The following UBE2E3 variants were observed in gnomAD, a reference collection of about 807,000 sequenced individuals.
UBE2E3 encodes ubiquitin-conjugating enzyme E2 E3.
In UBE2E3, 5 loss-of-function variants were observed where a neutral mutation model predicts 23.6. That is an observed-to-expected ratio of 0.21 (90% CI 0.11 to 0.44). The LOEUF (loss-of-function observed/expected upper bound fraction) is 0.44, where lower values mean the gene tolerates loss of function less well. UBE2E3 is among the 20% of genes least tolerant of loss of function. The pLI is 0.99. For missense variants in UBE2E3, 81 were observed against 249.8 expected, an observed-to-expected ratio of 0.32 and a Z score of 4.55; for synonymous variants, 78 against 87.5, an observed-to-expected ratio of 0.89 and a Z score of 0.60.
At chr2:180,995,135 AT>A (rs931102181) in intron 3 of UBE2E3, among the ~76,000 whole-genome samples, 3 of 151,988 alleles carry the variant, frequency 2.0e-5, no homozygotes, top group African/African-American at 4.8e-5. Flanking sequence ...GTAAAAAGTG[AT>A]TTCTCCTGGT....
At chr2:181,034,965 A>G (rs956016266) in intron 3 of UBE2E3, among the ~76,000 whole-genome samples, 13 of 152,188 alleles carry the variant, frequency 8.5e-5, no homozygotes, top group African/African-American at 3.1e-4. Flanking sequence ...TTTAGGAACT[A>G]TTAGAGAAAG....
At chr2:181,007,207 C>T (rs1391118072) in intron 3 of UBE2E3, among the ~76,000 whole-genome samples, 1 of 152,118 alleles carries the variant, frequency 6.6e-6, no homozygotes, top group East Asian at 1.9e-4. Context: ...GCCCACTGCC[C>T]CTTTGAGTAA....
intron 3 of UBE2E3, among the ~76,000 whole-genome samples, chr2:180,986,157 T>A (rs1684463207): frequency 1.3e-5 from 2 of 152,158 alleles, no homozygotes; most frequent in Admixed American, 1.3e-4. Context: ...CTTTCCCTTG[T>A]CACAACCTGT....
intron 3 of UBE2E3, among the ~76,000 whole-genome samples, chr2:180,999,951 A>G (rs1418723442): frequency 3.9e-5 from 6 of 152,260 alleles, no homozygotes; most frequent in East Asian, 1.9e-4. Flanking sequence ...AAAATGAAGT[A>G]TTAAAACCAG....
intron 3 of UBE2E3, among the ~76,000 whole-genome samples, chr2:180,995,589 A>G (rs1461507061): frequency 1.3e-5 from 2 of 151,648 alleles, no homozygotes; most frequent in Non-Finnish European, 2.9e-5. Flanking sequence ...TCATTTTTGC[A>G]ATTTATTTAT....
chr2:181,014,906 A>T (rs1489155727), intron 3 of UBE2E3, among the ~76,000 whole-genome samples: 3 of 152,172 alleles, frequency 2.0e-5, no homozygotes, highest in Non-Finnish European at 4.4e-5. Context: ...TATTAACTAT[A>T]ATTTCCCACT....
intron 3 of UBE2E3, among the ~76,000 whole-genome samples, chr2:181,046,224 C>A (rs369939558): frequency 4.7e-4 from 72 of 152,256 alleles, no homozygotes; most frequent in African/African-American, 1.5e-3. Flanking sequence ...CATAAAGCCA[C>A]AGATAAGCAG....
At chr2:181,037,782 A>G (rs1047841832) in intron 3 of UBE2E3, among the ~76,000 whole-genome samples, 1 of 152,138 alleles carries the variant, frequency 6.6e-6, no homozygotes, top group Non-Finnish European at 1.5e-5. Flanking sequence ...CAGCCTGGGC[A>G]ATATAGCAAG....
chr2:180,981,957 C>T, intron 1 of UBE2E3, 61 bp from the exon 2 acceptor site: 1 of 1,230,374 alleles, frequency 8.1e-7, no homozygotes, highest in Non-Finnish European at 1.1e-6. Flanking sequence ...GAAGAAAATG[C>T]TGTTGGTTTA....
At chr2:181,035,746 A>G (rs55851371) in intron 3 of UBE2E3, among the ~76,000 whole-genome samples, 33,015 of 152,048 alleles carry the variant, frequency 0.22, 4,168 homozygotes, top group Non-Finnish European at 0.28. Context: ...TATGTGACCC[A>G]AGACAATTCT....
chr2:181,007,792 T>C (rs1685198630), intron 3 of UBE2E3, among the ~76,000 whole-genome samples: 1 of 152,222 alleles, frequency 6.6e-6, no homozygotes, highest in Non-Finnish European at 1.5e-5. Context: ...TAGAAGGGCT[T>C]GATATCTGCC....
intron 3 of UBE2E3, among the ~76,000 whole-genome samples, chr2:180,986,833 T>C (rs1297984727): frequency 6.6e-6 from 1 of 152,078 alleles, no homozygotes; most frequent in African/African-American, 2.4e-5. Flanking sequence ...AAAAGTTGAA[T>C]GAAACACAAG....
intron 3 of UBE2E3, chr2:180,987,467 T>G (rs1684516991): frequency 3.4e-6 from 5 of 1,472,336 alleles, no homozygotes; most frequent in Admixed American, 2.0e-5. Flanking sequence ...ACGAATATTT[T>G]AAGAGTGTAT....
At chr2:181,021,771 T>G (rs939237172) in intron 3 of UBE2E3, among the ~76,000 whole-genome samples, 1 of 151,770 alleles carries the variant, frequency 6.6e-6, no homozygotes, top group Non-Finnish European at 1.5e-5. Flanking sequence ...AGTGGATTTC[T>G]TAATACTTTT....
At chr2:181,052,880 C>T (rs933794556) in intron 3 of UBE2E3, among the ~76,000 whole-genome samples, 3 of 151,902 alleles carry the variant, frequency 2.0e-5, no homozygotes, top group African/African-American at 7.2e-5. Flanking sequence ...GCTTGCTGGT[C>T]ACTTTTCTAC....
At chr2:181,007,435 A>T (rs1685186671) in intron 3 of UBE2E3, among the ~76,000 whole-genome samples, 1 of 152,154 alleles carries the variant, frequency 6.6e-6, no homozygotes, top group Non-Finnish European at 1.5e-5. Context: ...AATATAAGAG[A>T]GTAGACTGGA....
At chr2:181,049,558 A>T (rs1254983705) in intron 3 of UBE2E3, among the ~76,000 whole-genome samples, 1 of 152,026 alleles carries the variant, frequency 6.6e-6, no homozygotes, top group Non-Finnish European at 1.5e-5. Flanking sequence ...AATAGACTTG[A>T]CTGCGTTTGG....
At chr2:180,981,014 G>GGGC (rs1017442693) in intron 1 of UBE2E3, 41 bp downstream of exon 1, 6 of 147,020 alleles carry the variant, frequency 4.1e-5, no homozygotes, top group Non-Finnish European at 6.1e-5. Context: ...GGGGCGGCCG[G>GGGC]GGCGGCGGCG....
At chr2:181,051,615 G>C (rs371755295) in intron 3 of UBE2E3, among the ~76,000 whole-genome samples, 1 of 151,700 alleles carries the variant, frequency 6.6e-6, no homozygotes, top group East Asian at 1.9e-4. Flanking sequence ...GGGAAAAGTC[G>C]TATCAACATT....
Sources: allele counts gnomAD v4.1 joint callset (sites outside exome capture counted in the v4.1 genomes callset), GRCh38; gene constraint gnomAD v4.1.1; transcripts MANE v1.5; gene names NCBI Gene and HGNC (gene_info 2026-07-23, HGNC 2026-07-21).